The following ACTR3B variants were observed in gnomAD, a reference collection of about 807,000 sequenced individuals.
The protein encoded by ACTR3B is actin-related protein 3B.
In ACTR3B, 8 loss-of-function variants were observed where a neutral mutation model predicts 59.0. That is an observed-to-expected ratio of 0.14 (90% CI 0.08 to 0.24). The LOEUF is 0.24. Ranked by LOEUF, ACTR3B falls within the 10% of genes least tolerant of loss-of-function variation. The pLI, the probability that ACTR3B is intolerant of heterozygous loss-of-function variation, is 1.00. For missense variants in ACTR3B, 245 were observed against 552.3 expected, an observed-to-expected ratio of 0.44 and a Z score of 5.58; for synonymous variants, 148 against 197.9, an observed-to-expected ratio of 0.75 and a Z score of 2.12.
intron 9 of ACTR3B, 119 bp downstream of exon 9, chr7:152,825,241 T>C (rs2116877457): frequency 9.5e-7 from 1 of 1,049,722 alleles, no homozygotes; most frequent in East Asian, 2.8e-5. Flanking sequence ...TTCTGTTTCA[T>C]AGGATTTGTT....
intron 2 of ACTR3B, among the ~76,000 whole-genome samples, chr7:152,796,026 G>C: frequency 6.6e-6 from 1 of 152,060 alleles, no homozygotes; most frequent in Non-Finnish European, 1.5e-5. Flanking sequence ...GTATTTTTAA[G>C]TAGAGATGAG....
chr7:152,784,681 AG>A (rs2098165692), intron 2 of ACTR3B, among the ~76,000 whole-genome samples: 1 of 152,210 alleles, frequency 6.6e-6, no homozygotes, highest in Non-Finnish European at 1.5e-5. Context: ...AGGTGCTGTC[AG>A]GGTTGGTTTC....
At chr7:152,843,852 T>C (rs1798057585) in intron 9 of ACTR3B, among the ~76,000 whole-genome samples, 1 of 152,194 alleles carries the variant, frequency 6.6e-6, no homozygotes, top group Admixed American at 6.5e-5. Flanking sequence ...TCAGTTTTAG[T>C]AAATACACAC....
At chr7:152,799,514 T>G (rs2098227832) in intron 2 of ACTR3B, among the ~76,000 whole-genome samples, 1 of 150,948 alleles carries the variant, frequency 6.6e-6, no homozygotes. Context: ...AAACTTTAAT[T>G]ATTATTATTA....
At chr7:152,762,174 C>T (rs2098091464) in intron 1 of ACTR3B, among the ~76,000 whole-genome samples, 1 of 152,092 alleles carries the variant, frequency 6.6e-6, no homozygotes, top group South Asian at 2.1e-4. Context: ...CCGAGACTAC[C>T]TGAGTAAGCA....
chr7:152,849,848 A>G (rs1798652613), intron 9 of ACTR3B, among the ~76,000 whole-genome samples: 1 of 152,280 alleles, frequency 6.6e-6, no homozygotes, highest in South Asian at 2.1e-4. Flanking sequence ...ATTGGAGCAG[A>G]TCCCAGGTGG....
chr7:152,806,706 G>A (rs561166839), intron 4 of ACTR3B, among the ~76,000 whole-genome samples: 31 of 151,042 alleles, frequency 2.1e-4, no homozygotes, highest in African/African-American at 6.9e-4. Context: ...AGCTTTGTAA[G>A]GAGCTTTCCT....
At chr7:152,780,208 G>A (rs2310886) in intron 1 of ACTR3B, among the ~76,000 whole-genome samples, 154 of 151,512 alleles carry the variant, frequency 1.0e-3, no homozygotes, top group African/African-American at 3.4e-3. Flanking sequence ...AAAATTAGCC[G>A]GGTGTGGTGG....
chr7:152,828,832 A>G (rs1796790552), intron 9 of ACTR3B, among the ~76,000 whole-genome samples: 4 of 151,992 alleles, frequency 2.6e-5, no homozygotes, highest in Admixed American at 2.6e-4. Context: ...TGTGCTAGCC[A>G]CATAGACCAA....
intron 6 of ACTR3B, among the ~76,000 whole-genome samples, chr7:152,818,219 G>T (rs1426421668): frequency 6.6e-6 from 1 of 152,136 alleles, no homozygotes; most frequent in East Asian, 1.9e-4. Flanking sequence ...TATTTCTTAT[G>T]TCTGATTTAG....
At chr7:152,833,619 C>T (rs554633703) in intron 9 of ACTR3B, among the ~76,000 whole-genome samples, 2 of 151,402 alleles carry the variant, frequency 1.3e-5, no homozygotes, top group East Asian at 1.9e-4. Flanking sequence ...TTAAGAAGAG[C>T]GCCTCTTAGT....
intron 9 of ACTR3B, among the ~76,000 whole-genome samples, chr7:152,832,999 G>A (rs1288661881): frequency 6.6e-6 from 1 of 152,176 alleles, no homozygotes; most frequent in Non-Finnish European, 1.5e-5. Flanking sequence ...CGGAAGTCAA[G>A]AAGGAGTCGC....
chr7:152,837,115 A>G (rs1312415997), intron 9 of ACTR3B, among the ~76,000 whole-genome samples: 1 of 152,196 alleles, frequency 6.6e-6, no homozygotes, highest in Admixed American at 6.5e-5. Flanking sequence ...GGTGGAGGCT[A>G]CAGGGAGTTA....
chr7:152,829,409 C>G (rs1040457877), intron 9 of ACTR3B, among the ~76,000 whole-genome samples: 1 of 152,212 alleles, frequency 6.6e-6, no homozygotes, highest in African/African-American at 2.4e-5. Flanking sequence ...GTGAGTTTGA[C>G]TAAAAATTCA....
intron 5 of ACTR3B, among the ~76,000 whole-genome samples, chr7:152,815,449 C>T (rs1351407146): frequency 3.3e-5 from 5 of 152,186 alleles, no homozygotes; most frequent in Non-Finnish European, 7.3e-5. Flanking sequence ...CTTCAGGAGA[C>T]ATAAGACTGG....
intron 2 of ACTR3B, among the ~76,000 whole-genome samples, chr7:152,797,181 C>A (rs560760110): frequency 3.9e-5 from 6 of 152,232 alleles, no homozygotes; most frequent in Middle Eastern, 3.4e-3. Flanking sequence ...CAGCCTCAAC[C>A]TCCTGGGCTC....
intron 1 of ACTR3B, among the ~76,000 whole-genome samples, chr7:152,770,877 A>G (rs996574114): frequency 2.8e-5 from 4 of 142,652 alleles, no homozygotes; most frequent in African/African-American, 1.1e-4. Context: ...GACTATGCAC[A>G]GAAAATAAGG....
intron 2 of ACTR3B, among the ~76,000 whole-genome samples, chr7:152,789,127 C>T (rs1430827145): frequency 6.6e-6 from 1 of 152,006 alleles, no homozygotes; most frequent in African/African-American, 2.4e-5. Context: ...CAGTGGCTCA[C>T]ACCTGTAATT....
At chr7:152,847,592 A>G (rs754444698) in intron 9 of ACTR3B, among the ~76,000 whole-genome samples, 8 of 152,136 alleles carry the variant, frequency 5.3e-5, no homozygotes, top group African/African-American at 1.9e-4. Flanking sequence ...AGTATATCCA[A>G]TATACACGGA....
Sources: gnomAD v4.1 joint callset for allele counts (sites outside exome capture counted in the v4.1 genomes callset) on GRCh38, gnomAD v4.1.1 for gene constraint, MANE v1.5 for transcripts, NCBI Gene and HGNC (gene_info 2026-07-23, HGNC 2026-07-21) for gene names.